The following DAAM1 variants were observed in gnomAD, a reference collection of about 807,000 sequenced individuals.
DAAM1 encodes dishevelled associated activator of morphogenesis 1.
In DAAM1, 52 loss-of-function variants were observed where a neutral mutation model predicts 130.0. The observed-to-expected ratio is 0.40, with a 90% CI of 0.32 to 0.50. The LOEUF is 0.50. DAAM1 is among the 20% of genes least tolerant of loss of function. DAAM1 has a pLI of 0.61. For missense variants in DAAM1, 1,134 were observed against 1,303.8 expected (o/e 0.87, Z 2.01); for synonymous variants, 452 against 444.5 (o/e 1.02, Z -0.21).
chr14:59,236,485 G>C (rs1207566967), intron 1 of DAAM1, among the ~76,000 whole-genome samples: 1 of 152,004 alleles, frequency 6.6e-6, no homozygotes, highest in African/African-American at 2.4e-5. Flanking sequence ...TCTCTGGCTG[G>C]AACACTCTTT....
Position 59,331,420 on chromosome 14 carries a change from G to A in DAAM1, c.1772G>A (p.Gly591Asp). Residue 591 changes from glycine to aspartate, a missense_variant, in exon 14 of 25, where the codon GGT (glycine) becomes GAT (aspartate). Gly to Asp is a moderately conservative substitution (Grantham distance 94). Coordinates refer to ENST00000360909, the MANE Select transcript of DAAM1 (RefSeq NM_001270520.2). ...PPLGAIMPPP[G>D]APMGLALKKK... Reference sequence around the variant, plus strand: ...TTAGGGGCAATCATGCCACCTCCTGGTGCTCCAATGGGCCTAGCACTGAAG... The same window carrying A: ...TTAGGGGCAATCATGCCACCTCCTGATGCTCCAATGGGCCTAGCACTGAAG... The A allele has an allele frequency of 6.2e-7, 1 of 1,613,838 alleles. No homozygotes were observed. Among genetic ancestry groups the A allele is most frequent in the Non-Finnish European group, 8.5e-7 (1 of 1,179,986 alleles).
At chr14:59,257,423 AG>A (rs1225916111) in intron 1 of DAAM1, among the ~76,000 whole-genome samples, 3 of 151,868 alleles carry the variant, frequency 2.0e-5, no homozygotes, top group African/African-American at 7.3e-5. Context: ...CTAGAGGTGT[AG>A]AAAGAAATGT....
rs879155042 is a variant in DAAM1 at position 59,363,902 on chromosome 14, A to C, written c.2826+120A>C. On this transcript the variant is annotated intron_variant, in intron 23 of 24. Coordinates refer to ENST00000360909, the MANE Select transcript of DAAM1 (RefSeq NM_001270520.2). ...TGAGATCCAAACTTCGTGGTGCAGGAAATAAAGTAGTAGATAATTACTTTC... is the reference window on the plus strand; with the variant it reads ...TGAGATCCAAACTTCGTGGTGCAGGCAATAAAGTAGTAGATAATTACTTTC... 6.5e-6 allele frequency: 9 copies of C among 1,387,882 alleles called. No homozygotes were observed. The Admixed American group carries it at 1.7e-4, about 26-fold the overall frequency. The allele number at this position is 1,387,882 out of a possible 1,614,324, so 86.0% of individuals were successfully genotyped here.
intron 16 of DAAM1, among the ~76,000 whole-genome samples, chr14:59,341,802 T>C (rs780274435): frequency 6.6e-6 from 1 of 152,210 alleles, no homozygotes; most frequent in Non-Finnish European, 1.5e-5. Flanking sequence ...TTTTTTTACA[T>C]CCTAGAATTT....
chr14:59,197,032 TGCCTCG>T (rs1228506796), intron 1 of DAAM1, among the ~76,000 whole-genome samples: 1 of 152,124 alleles, frequency 6.6e-6, no homozygotes, highest in Non-Finnish European at 1.5e-5. Flanking sequence ...GCCATTCTCC[TGCCTCG>T]GCCTCCCGGG....
intron 20 of DAAM1, 78 bp downstream of exon 20, chr14:59,355,411 CTCAGCCT>C: frequency 1.3e-6 from 2 of 1,552,420 alleles, no homozygotes; most frequent in Non-Finnish European, 1.8e-6. Flanking sequence ...TCTGGTCCTC[CTCAGCCT>C]TCATGACACT....
intron 2 of DAAM1, among the ~76,000 whole-genome samples, chr14:59,276,474 A>T (rs1454075315): frequency 3.3e-5 from 5 of 151,976 alleles, no homozygotes; most frequent in African/African-American, 1.2e-4. Context: ...GGCTTAACTT[A>T]TTTCTGGTAG....
At chr14:59,212,468 A>G (rs1252989) in intron 1 of DAAM1, among the ~76,000 whole-genome samples, 64,939 of 152,152 alleles carry the variant, frequency 0.43, 13,939 homozygotes, top group Non-Finnish European at 0.44. Flanking sequence ...AAGTTAGAAC[A>G]CAGGTCTCTG....
At chr14:59,254,513 C>T (rs1881784102) in intron 1 of DAAM1, among the ~76,000 whole-genome samples, 1 of 152,118 alleles carries the variant, frequency 6.6e-6, no homozygotes, top group South Asian at 2.1e-4. Flanking sequence ...AAATTATTTG[C>T]ATTTCTTTTG....
At chr14:59,272,771 A>G (rs1370876) in intron 2 of DAAM1, among the ~76,000 whole-genome samples, 32,483 of 151,992 alleles carry the variant, frequency 0.21, 4,237 homozygotes, top group African/African-American at 0.37. Context: ...AAGATATGCA[A>G]TATATCACAA....
intron 2 of DAAM1, chr14:59,265,486 A>G (rs1253844716): frequency 6.6e-6 from 1 of 152,228 alleles, no homozygotes; most frequent in African/African-American, 2.4e-5. Context: ...ATTATGAAGA[A>G]GGTATAATGG....
chr14:59,200,528 T>C (rs1888066339), intron 1 of DAAM1, among the ~76,000 whole-genome samples: 1 of 152,170 alleles, frequency 6.6e-6, no homozygotes, highest in Non-Finnish European at 1.5e-5. Flanking sequence ...CACTGAAACT[T>C]GCCTTGCCTT....
chr14:59,276,113 C>A (rs182722218), intron 2 of DAAM1, among the ~76,000 whole-genome samples: 167 of 152,274 alleles, frequency 1.1e-3, no homozygotes, highest in African/African-American at 3.8e-3. Context: ...GATTTCTAAC[C>A]ACCATCATAC....
chr14:59,201,647 A>T (rs1206640364), intron 1 of DAAM1, among the ~76,000 whole-genome samples: 2 of 152,114 alleles, frequency 1.3e-5, no homozygotes, highest in Non-Finnish European at 1.5e-5. Context: ...TCTAAAAAAA[A>T]GTAGCTGAGC....
rs567688138 is a variant in DAAM1, at chr14:59,294,286, C to T, written c.273+2980C>T. Among the ~76,000 whole-genome samples, 23 of 152,310 alleles carry T rather than the reference C, an allele frequency of 1.5e-4. No homozygotes were observed. The South Asian group carries it at 4.4e-3, about 29-fold the overall frequency. ...CCCTGTCCAACAGCGACTTGAGTCCCGGCAGCAGCTATCTGCTTATCAAGC... is the reference window on the plus strand; with the variant it reads ...CCCTGTCCAACAGCGACTTGAGTCCTGGCAGCAGCTATCTGCTTATCAAGC... On this transcript the variant is annotated intron_variant, in intron 3 of 24. Transcript: ENST00000360909.
Position 59,263,634 on chromosome 14 carries a change from C to A in DAAM1, c.157C>A (p.Leu53Met). 1 of 1,614,182 alleles carries A rather than the reference C, an allele frequency of 6.2e-7. No individual in the cohort carries two copies. Among genetic ancestry groups the A allele is most frequent in the South Asian group, 1.1e-5 (1 of 91,080 alleles). ...PALPMPPVEE[L>M]DVMFSELVDE... ...ATTGCCCATGCCCCCTGTGGAGGAG[C>A]TGGATGTCATGTTCAGTGAACTGGT... Residue 53 changes from leucine (L) to methionine (M), a missense_variant, in exon 2 of 25, where the codon CTG (leucine) becomes ATG (methionine). Physicochemically the swap from Leu to Met is conservative, Grantham distance 15. This residue lies in a region of DAAM1 where 99 missense variants were observed against 86.4 expected (regional missense o/e 1.15). Coordinates refer to ENST00000360909, the MANE Select transcript of DAAM1 (RefSeq NM_001270520.2).
chr14:59,363,730 C>G lies in DAAM1; in HGVS notation c.2774C>G (p.Ala925Gly). The G allele has an allele frequency of 6.2e-7, 1 of 1,614,110 alleles. No homozygotes were observed. The highest frequency in any genetic ancestry group is 8.5e-7 in the Non-Finnish European group (1 of 1,179,988). ...GTTGTCAGCCAGTTCATCACAGTAG[C>G]CAGCTTCAGCTTCTCTGATGTTGAA... ...VSVVSQFITV[A>G]SFSFSDVEDL... is the part of the protein sequence containing the mutation. The change falls in exon 23 of 25, where the codon GCC (alanine) becomes GGC (glycine). Residue 925 changes from alanine to glycine, a missense_variant. By Grantham distance (60) the Ala-to-Gly change is moderately conservative. Around this residue, in one of 3 missense-constraint regions of DAAM1, gnomAD observed 644 missense variants for 695.9 expected, o/e 0.93. Coordinates refer to ENST00000360909, the MANE Select transcript of DAAM1 (RefSeq NM_001270520.2).
intron 21 of DAAM1, 29 bp downstream of exon 21, chr14:59,359,533 T>C: frequency 1.3e-6 from 2 of 1,548,150 alleles, no homozygotes; most frequent in Non-Finnish European, 1.8e-6. Flanking sequence ...TGTTAGTTTC[T>C]TAAATCACTT....
intron 1 of DAAM1, among the ~76,000 whole-genome samples, chr14:59,237,079 C>T (rs1315859453): frequency 3.3e-5 from 5 of 152,098 alleles, no homozygotes; most frequent in Admixed American, 2.0e-4. Flanking sequence ...GCCCTTGGGC[C>T]GCAATTTGCA....
Sources: gnomAD v4.1 joint callset for allele counts (sites outside exome capture counted in the v4.1 genomes callset) on GRCh38, gnomAD v4.1.1 for gene constraint, gnomAD v4.1.1 regional missense constraint, MANE v1.5 for transcripts, NCBI Gene and HGNC (gene_info 2026-07-23, HGNC 2026-07-21) for gene names.